The following SPTLC1 variants were observed in gnomAD, a reference collection of about 807,000 sequenced individuals.
SPTLC1 encodes the protein serine palmitoyltransferase 1.
Under a neutral mutation model 68.9 loss-of-function variants are expected in SPTLC1, and 55 were observed. That is an observed-to-expected ratio of 0.80 (90% CI 0.64 to 1.00). The LOEUF is 1.00. Among genes scored for constraint, SPTLC1 ranks in the 50% least tolerant of loss-of-function variants. The pLI is 0.00. For missense variants in SPTLC1, 449 were observed against 573.1 expected, an observed-to-expected ratio of 0.78 and a Z score of 2.21; for synonymous variants, 197 against 201.6, an observed-to-expected ratio of 0.98 and a Z score of 0.19.
intron 1 of SPTLC1, among the ~76,000 whole-genome samples, chr9:92,112,919 C>T (rs796105830): frequency 1.3e-5 from 2 of 152,060 alleles, no homozygotes; most frequent in African/African-American, 4.8e-5. Flanking sequence ...ACCAGCCTGA[C>T]CAACATGGAG....
intron 14 of SPTLC1, 29 bp from the exon 15 acceptor site, chr9:92,032,587 A>ATCTTTGTGGGT (rs777922091): frequency 6.2e-7 from 1 of 1,613,234 alleles, no homozygotes; most frequent in Non-Finnish European, 8.5e-7. Flanking sequence ...ACAAAGAATT[A>ATCTTTGTGGGT]TCTTTGTGGG....
At chr9:92,080,158 C>CT in intron 4 of SPTLC1, 70 bp from the exon 5 acceptor site, 1 of 1,306,888 alleles carries the variant, frequency 7.7e-7, no homozygotes, top group Non-Finnish European at 1.1e-6. Context: ...ATTTCCTATT[C>CT]TTTAACCCAC....
At chr9:92,090,634 G>A (rs890366955) in intron 3 of SPTLC1, among the ~76,000 whole-genome samples, 1 of 151,078 alleles carries the variant, frequency 6.6e-6, no homozygotes, top group African/African-American at 2.4e-5. Context: ...AAAAAAAATT[G>A]GACAGGAATT....
In SPTLC1 at chr9:92,099,224, C is replaced by G. The variant is rs527764425; in HGVS notation, c.260+9516G>C. On this transcript the variant is annotated intron_variant, in intron 3 of 14. Transcript: ENST00000262554. ...CCTGTTAGGGGCACCCAGGGATCGG[C>G]ACCACAGCCCAAGGTCTGCACCAGG... 1.4e-4 allele frequency among the ~76,000 whole-genome samples: 21 copies of G among 152,314 alleles called. No individual in the cohort carries two copies. In the South Asian group the frequency reaches 1.7e-3, roughly 12 times the overall value.
At chr9:92,072,270 A>G (rs1834521764) in intron 5 of SPTLC1, among the ~76,000 whole-genome samples, 2 of 152,234 alleles carry the variant, frequency 1.3e-5, no homozygotes, top group East Asian at 3.9e-4. Context: ...ACCTCTGTCT[A>G]CGGATCGGGT....
intron 6 of SPTLC1, among the ~76,000 whole-genome samples, chr9:92,065,355 C>T (rs574659729): frequency 2.2e-4 from 33 of 152,222 alleles, no homozygotes; most frequent in African/African-American, 7.7e-4. Flanking sequence ...AACCAATTTA[C>T]CAAACACCAT....
intron 12 of SPTLC1, among the ~76,000 whole-genome samples, chr9:92,039,412 AC>A (rs1403724931): frequency 6.7e-6 from 1 of 148,492 alleles, no homozygotes; most frequent in African/African-American, 2.6e-5. Context: ...GCTATGTCAT[AC>A]TACTATTATT....
intron 13 of SPTLC1, among the ~76,000 whole-genome samples, chr9:92,037,648 G>C (rs1767459114): frequency 6.6e-6 from 1 of 152,164 alleles, no homozygotes; most frequent in South Asian, 2.1e-4. Context: ...GATGAAAAGG[G>C]GCAAGCAGTT....
intron 10 of SPTLC1, 47 bp downstream of exon 10, chr9:92,047,566 G>T: frequency 7.8e-7 from 1 of 1,276,288 alleles, no homozygotes; most frequent in Non-Finnish European, 1.1e-6. Context: ...GGTGACCAAT[G>T]GAGAAATTAG....
intron 12 of SPTLC1, among the ~76,000 whole-genome samples, chr9:92,041,048 G>A (rs755424402): frequency 9.2e-5 from 14 of 152,142 alleles, no homozygotes; most frequent in Non-Finnish European, 5.9e-5. Flanking sequence ...AACGAGCACT[G>A]GGCTAGCTCC....
At chr9:92,084,655 G>C (rs1159335040) in intron 3 of SPTLC1, among the ~76,000 whole-genome samples, 1 of 151,940 alleles carries the variant, frequency 6.6e-6, no homozygotes, top group Admixed American at 6.6e-5. Context: ...GTATTTTATT[G>C]AGGATTTTTG....
intron 3 of SPTLC1, among the ~76,000 whole-genome samples, chr9:92,092,547 G>T (rs1254069716): frequency 6.6e-6 from 1 of 152,086 alleles, no homozygotes. Context: ...TGGCCAACAT[G>T]GTGAAACCCT....
chr9:92,104,496 C>T, intron 3 of SPTLC1: 1 of 1,418,378 alleles, frequency 7.1e-7, no homozygotes. Flanking sequence ...TCTGGAGCCC[C>T]CCCCTCAAGG....
At chr9:92,055,061 C>CA (rs995865388) in intron 8 of SPTLC1, 97 of 204,914 alleles carry the variant, frequency 4.7e-4, no homozygotes, top group African/African-American at 2.3e-3. Context: ...CCCTACTCCA[C>CA]AAAAAAGGGA....
At chr9:92,065,511 T>G (rs181649402) in intron 6 of SPTLC1, among the ~76,000 whole-genome samples, 1 of 152,254 alleles carries the variant, frequency 6.6e-6, no homozygotes, top group East Asian at 1.9e-4. Flanking sequence ...AGCCTATGTT[T>G]CCTAGCAGTT....
At chr9:92,041,232 A>T (rs1833340283) in intron 12 of SPTLC1, among the ~76,000 whole-genome samples, 1 of 152,260 alleles carries the variant, frequency 6.6e-6, no homozygotes, top group Admixed American at 6.5e-5. Flanking sequence ...GTGAGAAATT[A>T]GAGAAAAATT....
At chr9:92,082,165 C>T (rs1370288106) in intron 3 of SPTLC1, among the ~76,000 whole-genome samples, 2 of 152,170 alleles carry the variant, frequency 1.3e-5, no homozygotes, top group East Asian at 1.9e-4. Context: ...TATGAAAGTG[C>T]CTGGCTCATA....
intron 3 of SPTLC1, among the ~76,000 whole-genome samples, chr9:92,096,517 T>C (rs945417541): frequency 6.6e-6 from 1 of 152,212 alleles, no homozygotes; most frequent in Non-Finnish European, 1.5e-5. Context: ...ACCATTTTCA[T>C]GTGTCATTCT....
intron 11 of SPTLC1, among the ~76,000 whole-genome samples, 164 bp downstream of exon 11, chr9:92,047,008 T>TG (rs766935615): frequency 6.6e-6 from 1 of 152,232 alleles, no homozygotes; most frequent in East Asian, 1.9e-4. Flanking sequence ...CCCAAGTCCT[T>TG]GGGGCAGGAA....
Sources: allele counts gnomAD v4.1 joint callset (sites outside exome capture counted in the v4.1 genomes callset), GRCh38; gene constraint gnomAD v4.1.1; transcripts MANE v1.5; gene names NCBI Gene and HGNC (gene_info 2026-07-23, HGNC 2026-07-21).